The following TNR variants were observed in gnomAD, a reference collection of about 807,000 sequenced individuals.
TNR encodes tenascin-R.
Under a neutral mutation model 150.4 loss-of-function variants are expected in TNR, and 45 were observed. The ratio of observed to expected loss-of-function variants is 0.30; its 90% CI spans 0.24 to 0.38. TNR has a LOEUF of 0.38. Among genes scored for constraint, TNR ranks in the 10% least tolerant of loss-of-function variants. The pLI is 1.00. For synonymous variants in TNR, 687 were observed against 678.4 expected (o/e 1.01, Z -0.20); for missense variants, 1,544 against 1,759.1 (o/e 0.88, Z 2.19).
intron 21 of TNR, among the ~76,000 whole-genome samples, chr1:175,328,173 T>A (rs760398784): frequency 6.6e-6 from 1 of 152,206 alleles, no homozygotes; most frequent in Non-Finnish European, 1.5e-5. Flanking sequence ...ATGAGTTACT[T>A]CCTGTTTCTT....
Position 175,406,296 on chromosome 1 carries a change from C to A in TNR, c.419G>T (p.Arg140Leu), listed in dbSNP as rs1392154246. The change falls in exon 3 of 23, where the codon CGG (arginine) becomes CTG (leucine). Residue 140 changes from arginine (R) to leucine (L), a missense_variant. By Grantham distance (102) the Arg-to-Leu change is moderately radical. This residue lies in a region of TNR where 1,254 missense variants were observed against 1,329.4 expected (regional missense o/e 0.94). Transcript: ENST00000367674. ...SAQVLQELLS[R>L]IEMLEREVSV... ...CACCTCCCTCTCCAGCATCTCGATC[C>A]GGCTCAGCAGCTCCTGCAGCACCTG... The A allele has an allele frequency of 6.2e-7, 1 of 1,614,150 alleles. No individual in the cohort carries two copies. The highest frequency in any genetic ancestry group is 8.5e-7 in the Non-Finnish European group (1 of 1,180,018).
In TNR at chr1:175,363,698, A is replaced by C. The variant is rs777860573; in HGVS notation, c.2707+10T>G. The C allele has an allele frequency of 6.2e-7, 1 of 1,610,768 alleles. No homozygotes were observed. The highest frequency in any genetic ancestry group is 1.1e-5 in the South Asian group (1 of 90,264). ...CCTAGTATCTTTGAGAAATCAAATC[A>C]CTTTGTTACCTTGGGTGGGTCGATA... On this transcript the variant is annotated intron_variant, in intron 13 of 22. Transcript: ENST00000367674.
chr1:175,618,834 C>T (rs1190966329), intron 1 of TNR, among the ~76,000 whole-genome samples: 2 of 152,204 alleles, frequency 1.3e-5, no homozygotes, highest in South Asian at 2.1e-4. Context: ...TTAGGCAATG[C>T]CATTGATCAA....
Position 175,643,932 on chromosome 1 carries a change from A to G in TNR, c.-165+99294T>C, listed in dbSNP as rs187803029. Among the ~76,000 whole-genome samples the G allele has an allele frequency of 4.5e-3, 684 of 152,336 alleles. 5 individuals are homozygous for G. The highest frequency in any genetic ancestry group is 0.016 in the African/African-American group (650 of 41,576). On this transcript the variant is annotated intron_variant, in intron 1 of 22. Coordinates refer to ENST00000367674, the MANE Select transcript of TNR (RefSeq NM_003285.3). Reference sequence around the variant, plus strand: ...AAGTCAGCAATCATGTGCAAATTAAAACATAATTATGCACACAGACCACCC... The same window carrying G: ...AAGTCAGCAATCATGTGCAAATTAAGACATAATTATGCACACAGACCACCC...
chr1:175,707,159 T>A (rs1309248223), intron 1 of TNR, among the ~76,000 whole-genome samples: 1 of 152,202 alleles, frequency 6.6e-6, no homozygotes, highest in African/African-American at 2.4e-5. Flanking sequence ...AATAGACATA[T>A]GCCCTAGAGC....
intron 1 of TNR, among the ~76,000 whole-genome samples, chr1:175,600,573 A>T (rs1301147530): frequency 6.6e-6 from 1 of 152,218 alleles, no homozygotes; most frequent in Non-Finnish European, 1.5e-5. Flanking sequence ...GTTTGCACGT[A>T]AAGATAGGGC....
At chr1:175,471,321 G>C (rs375269192) in intron 2 of TNR, among the ~76,000 whole-genome samples, 3 of 152,142 alleles carry the variant, frequency 2.0e-5, no homozygotes, top group Non-Finnish European at 4.4e-5. Flanking sequence ...GTACAGTCAC[G>C]CGTTGTTTAA....
At chr1:175,648,871 G>A (rs553865941) in intron 1 of TNR, among the ~76,000 whole-genome samples, 4 of 152,084 alleles carry the variant, frequency 2.6e-5, no homozygotes, top group African/African-American at 7.2e-5. Context: ...GCTATCTCCC[G>A]GACGTCCACC....
chr1:175,329,269 A>G (rs2101982870), intron 21 of TNR, among the ~76,000 whole-genome samples: 1 of 152,378 alleles, frequency 6.6e-6, no homozygotes, highest in East Asian at 1.9e-4. Flanking sequence ...CCAAGTATCA[A>G]ACATTAGAAT....
intron 1 of TNR, among the ~76,000 whole-genome samples, chr1:175,610,303 C>T (rs951695124): frequency 3.3e-5 from 5 of 152,228 alleles, no homozygotes; most frequent in Admixed American, 1.3e-4. Context: ...ACCACTGTTA[C>T]CCTGTGACTT....
intron 2 of TNR, among the ~76,000 whole-genome samples, chr1:175,514,378 G>A (rs1363457078): frequency 1.3e-5 from 2 of 152,334 alleles, no homozygotes; most frequent in South Asian, 2.1e-4. Context: ...CAGAAAGAAT[G>A]CAGCCCTGCC....
chr1:175,628,822 A>G lies in TNR; in HGVS notation c.-164-100453T>C, dbSNP rs192343816. The stretch of plus-strand genomic sequence containing the variant: ...TCCATCGTCTTCAATGGTGGTGCCA[A>G]TTCATTCCACTTGTCTATCAGATCC... On this transcript the variant is annotated intron_variant, in intron 1 of 22. Transcript: ENST00000367674. Among the ~76,000 whole-genome samples the G allele has an allele frequency of 1.1e-3, 171 of 152,344 alleles. 1 individual carries two copies. The highest frequency in any genetic ancestry group is 3.9e-3 in the African/African-American group (164 of 41,590).
intron 1 of TNR, among the ~76,000 whole-genome samples, chr1:175,551,254 GA>G (rs1660925063): frequency 6.6e-6 from 1 of 152,178 alleles, no homozygotes; most frequent in African/African-American, 2.4e-5. Context: ...AATTCTGAGT[GA>G]AAACAATTTT....
intron 2 of TNR, among the ~76,000 whole-genome samples, chr1:175,512,570 A>G (rs1304834838): frequency 2.6e-5 from 4 of 152,286 alleles, no homozygotes; most frequent in Non-Finnish European, 5.9e-5. Context: ...AAAACAGCTG[A>G]CCTGACTTGG....
chr1:175,631,831 A>G (rs1392563191), intron 1 of TNR, among the ~76,000 whole-genome samples: 1 of 152,190 alleles, frequency 6.6e-6, no homozygotes, highest in African/African-American at 2.4e-5. Flanking sequence ...GGGGGAGCAG[A>G]AAGATATTAG....
chr1:175,513,506 C>G (rs1659279076), intron 2 of TNR, among the ~76,000 whole-genome samples: 2 of 152,170 alleles, frequency 1.3e-5, no homozygotes. Flanking sequence ...CAGGGGGCTG[C>G]AGGGGAGGGA....
intron 14 of TNR, among the ~76,000 whole-genome samples, chr1:175,360,131 C>T (rs911077215): frequency 1.6e-4 from 25 of 152,174 alleles, no homozygotes; most frequent in African/African-American, 5.3e-4. Flanking sequence ...ATCATACTTC[C>T]CAGGCTATTT....
chr1:175,376,500 T>C (rs1406810110), intron 9 of TNR, among the ~76,000 whole-genome samples: 1 of 152,152 alleles, frequency 6.6e-6, no homozygotes, highest in Admixed American at 6.5e-5. Context: ...GCTCTTAGCA[T>C]GTTGCATGGA....
In TNR at chr1:175,641,280, C is replaced by T. The variant is rs984190456; in HGVS notation, c.-165+101946G>A. On this transcript the variant is annotated intron_variant, in intron 1 of 22. Coordinates refer to ENST00000367674, the MANE Select transcript of TNR (RefSeq NM_003285.3). Reference sequence around the variant, plus strand: ...AGCTTTTTACCAGCCAATGGTGGGACGGAGGGCAGGGTTGGAGAGAAGGAG... The same window carrying T: ...AGCTTTTTACCAGCCAATGGTGGGATGGAGGGCAGGGTTGGAGAGAAGGAG... Among the ~76,000 whole-genome samples the T allele has an allele frequency of 2.7e-5, 4 of 150,790 alleles. No homozygotes were observed. In the South Asian group the frequency reaches 6.3e-4, roughly 24 times the overall value.
Sources: gnomAD v4.1 joint callset for allele counts (sites outside exome capture counted in the v4.1 genomes callset) on GRCh38, gnomAD v4.1.1 for gene constraint, gnomAD v4.1.1 regional missense constraint, MANE v1.5 for transcripts, NCBI Gene and HGNC (gene_info 2026-07-23, HGNC 2026-07-21) for gene names.